VWA3B: variants seen among roughly 807,000 people sequenced by gnomAD.
The protein encoded by VWA3B is von Willebrand factor A domain containing 3B.
A neutral mutation model predicts 158.3 loss-of-function variants in VWA3B; 138 were observed. That is an observed-to-expected ratio of 0.87 (90% CI 0.76 to 1.00). The LOEUF is 1.00. Ranked by LOEUF, VWA3B falls within the 50% of genes least tolerant of loss-of-function variation. The pLI, the probability that VWA3B is intolerant of heterozygous loss-of-function variation, is 0.00. For missense variants in VWA3B, 1,555 were observed against 1,565.1 expected (o/e 0.99, Z 0.11); for synonymous variants, 596 against 587.3 (o/e 1.01, Z -0.21).
In VWA3B at chr2:98,250,363, T is replaced by C; in HGVS notation, c.2719T>C (p.Leu907=). Residue 907 remains leucine (L), a synonymous_variant, in exon 20 of 28, where the codon TTA becomes CTA. Coordinates refer to ENST00000477737, the MANE Select transcript of VWA3B (RefSeq NM_144992.5). ...GTGCAACGACACAAATAAGATGACA[T>C]TAATTAACCCCCAAGGAGCCAAACT... The part of the protein sequence containing the change: ...HVCNDTNKMT[L]INPQGAKLNI... 1 of 1,613,626 alleles carries C rather than the reference T, an allele frequency of 6.2e-7. No homozygotes were observed. The highest frequency in any genetic ancestry group is 1.1e-5 in the South Asian group (1 of 90,968).
At chr2:98,308,566 C>T (rs575192439) in intron 26 of VWA3B, among the ~76,000 whole-genome samples, 79 of 152,320 alleles carry the variant, frequency 5.2e-4, no homozygotes, top group South Asian at 1.7e-3. Context: ...GCAGGGGACT[C>T]ACAGACCAAG....
At position 98,115,676 on chromosome 2, in the gene VWA3B, C is replaced by T. The variant is rs761704909; in HGVS notation, c.221C>T (p.Pro74Leu). Residue 74 changes from proline (P) to leucine (L), a missense_variant, in exon 3 of 28, where the codon CCT (proline) becomes CTT (leucine). Physicochemically the swap from Pro to Leu is moderately conservative, Grantham distance 98. Coordinates refer to ENST00000477737, the MANE Select transcript of VWA3B (RefSeq NM_144992.5). ...CEDYVASLGR[P>L]VASRYADGLF... ...GATTATGTGGCGTCTCTGGGGAGAC[C>T]TGTGGCTTCTCGGTATGCTGATGGT... 29 of 1,613,638 alleles carry T rather than the reference C, an allele frequency of 1.8e-5. No homozygotes were observed. Among genetic ancestry groups the T allele is most frequent in the Non-Finnish European group, 2.0e-5 (24 of 1,179,996 alleles).
chr2:98,105,715 G>A (rs954016621), intron 2 of VWA3B, among the ~76,000 whole-genome samples: 27 of 151,868 alleles, frequency 1.8e-4, no homozygotes, highest in Non-Finnish European at 2.9e-5. Flanking sequence ...GTGATAGAGT[G>A]AGACTCTATC....
the VWA3B span, among the ~76,000 whole-genome samples, chr2:98,319,648 G>A: frequency 7.9e-5 from 12 of 152,328 alleles, no homozygotes; most frequent in African/African-American, 2.9e-4. Flanking sequence ...GGGAGTCTGA[G>A]ATGGGTGGAT....
the VWA3B span, among the ~76,000 whole-genome samples, chr2:98,326,402 C>T: frequency 6.6e-5 from 10 of 152,290 alleles, no homozygotes; most frequent in Non-Finnish European, 1.0e-4. Flanking sequence ...GCTATCAAAA[C>T]CCTTTTTACA....
intron 26 of VWA3B, among the ~76,000 whole-genome samples, chr2:98,307,259 C>G (rs149945324): frequency 0.011 from 1,712 of 152,310 alleles, 37 homozygotes; most frequent in African/African-American, 0.039. Context: ...TGAGAGTACA[C>G]CGAACAAAGG....
chr2:98,221,261 G>A (rs906021828), intron 14 of VWA3B, among the ~76,000 whole-genome samples: 1 of 152,128 alleles, frequency 6.6e-6, no homozygotes, highest in African/African-American at 2.4e-5. Context: ...TCCAACCTGG[G>A]ATCTCCAACA....
intron 7 of VWA3B, among the ~76,000 whole-genome samples, chr2:98,159,317 T>C (rs544668112): frequency 3.9e-5 from 6 of 152,072 alleles, no homozygotes; most frequent in Non-Finnish European, 8.8e-5. Flanking sequence ...TGGAGTGCAA[T>C]GGCTCTCTGC....
intron 9 of VWA3B, among the ~76,000 whole-genome samples, chr2:98,183,189 C>CTTTTTT (rs1244544813): frequency 8.0e-6 from 1 of 124,618 alleles, no homozygotes; most frequent in African/African-American, 3.1e-5. Context: ...GTACAGCTCC[C>CTTTTTT]TTTTTTTTTT....
chr2:98,190,401 G>A (rs1018822577), intron 10 of VWA3B, among the ~76,000 whole-genome samples: 1 of 152,140 alleles, frequency 6.6e-6, no homozygotes, highest in African/African-American at 2.4e-5. Flanking sequence ...CTTGTAACTA[G>A]ATTAGAAACT....
chr2:98,185,244 A>G (rs573757124), intron 9 of VWA3B, among the ~76,000 whole-genome samples: 78 of 152,240 alleles, frequency 5.1e-4, no homozygotes, highest in African/African-American at 1.6e-3. Flanking sequence ...CTCCTCCACC[A>G]GGATATAAAA....
intron 22 of VWA3B, among the ~76,000 whole-genome samples, chr2:98,288,396 A>G (rs1047325582): frequency 3.3e-5 from 5 of 152,110 alleles, no homozygotes; most frequent in African/African-American, 1.2e-4. Context: ...TGCATACATC[A>G]CTCAAGGTTT....
chr2:98,177,053 G>T (rs962324980), intron 8 of VWA3B, among the ~76,000 whole-genome samples: 1 of 152,204 alleles, frequency 6.6e-6, no homozygotes, highest in East Asian at 1.9e-4. Flanking sequence ...ATCCCTGATG[G>T]CTGTGAGCCC....
chr2:98,093,503 C>A (rs571129760), intron 2 of VWA3B, among the ~76,000 whole-genome samples: 1 of 152,250 alleles, frequency 6.6e-6, no homozygotes, highest in East Asian at 1.9e-4. Flanking sequence ...TGCTTAATTT[C>A]ATCCTTTCTT....
At chr2:98,316,516 C>T (rs1389401123), downstream of VWA3B, among the ~76,000 whole-genome samples, 3 of 151,896 alleles carry the variant, frequency 2.0e-5, no homozygotes, top group African/African-American at 4.8e-5. Flanking sequence ...TGGTGACACA[C>T]GCCTGTAGTC....
At chr2:98,153,656 T>C (rs1255255692) in intron 7 of VWA3B, among the ~76,000 whole-genome samples, 1 of 152,210 alleles carries the variant, frequency 6.6e-6, no homozygotes, top group African/African-American at 2.4e-5. Flanking sequence ...GAAGCACTGA[T>C]TGGTGCCTGT....
At chr2:98,167,501 G>C (rs1009883100) in intron 8 of VWA3B, among the ~76,000 whole-genome samples, 1 of 152,186 alleles carries the variant, frequency 6.6e-6, no homozygotes, top group East Asian at 1.9e-4. Context: ...TGCCTTGAGA[G>C]AGTTTCCAGG....
At position 98,192,989 on chromosome 2, in the gene VWA3B, A is replaced by C. The variant is rs775034609; in HGVS notation, c.1558A>C (p.Lys520Gln). ...YILIDTSHSM[K>Q]SKLDLVKDKI... is the part of the protein sequence containing the mutation. The stretch of plus-strand genomic sequence containing the variant: ...TCTCATTGACACGTCTCACTCAATG[A>C]AGAGCAAACTGGACTTGGTGAAGGA... Residue 520 changes from lysine (K) to glutamine (Q), a missense_variant, in exon 11 of 28, where the codon AAG becomes CAG. Coordinates refer to ENST00000477737, the MANE Select transcript of VWA3B (RefSeq NM_144992.5). 5 of 1,614,188 alleles carry C rather than the reference A, an allele frequency of 3.1e-6. No individual in the cohort carries two copies. Among genetic ancestry groups the C allele is most frequent in the Non-Finnish European group, 4.2e-6 (5 of 1,180,018 alleles).
At chr2:98,148,457 A>G (rs564307259) in intron 7 of VWA3B, among the ~76,000 whole-genome samples, 7 of 152,300 alleles carry the variant, frequency 4.6e-5, no homozygotes, top group Non-Finnish European at 8.8e-5. Context: ...GGTGTATTAC[A>G]TATGGATAAT....
Sources: gnomAD v4.1 joint callset for allele counts (sites outside exome capture counted in the v4.1 genomes callset) on GRCh38, gnomAD v4.1.1 for gene constraint, MANE v1.5 for transcripts, NCBI Gene and HGNC (gene_info 2026-07-23, HGNC 2026-07-21) for gene names.